The following NKAIN2 variants were observed in gnomAD, a reference collection of about 807,000 sequenced individuals.
The protein encoded by NKAIN2 is sodium/potassium-transporting ATPase subunit beta-1-interacting protein 2.
NKAIN2 carries 14 observed loss-of-function variants against 32.6 expected under a neutral mutation model. The ratio of observed to expected loss-of-function variants is 0.43; its 90% CI spans 0.28 to 0.67. The LOEUF (loss-of-function observed/expected upper bound fraction) is 0.67. Among genes scored for constraint, NKAIN2 ranks in the 30% least tolerant of loss-of-function variants. The pLI is 0.17. For missense variants in NKAIN2, 198 were observed against 258.3 expected (o/e 0.77, Z 1.60); for synonymous variants, 80 against 87.2 (o/e 0.92, Z 0.46).
intron 4 of NKAIN2, among the ~76,000 whole-genome samples, chr6:124,695,848 AAGT>A (rs1317376138): frequency 6.6e-6 from 1 of 152,220 alleles, no homozygotes; most frequent in Non-Finnish European, 1.5e-5. Context: ...ACACTCCTCT[AAGT>A]AAAGACTGGT....
At chr6:124,458,910 G>A (rs894156752) in intron 3 of NKAIN2, among the ~76,000 whole-genome samples, 3 of 151,716 alleles carry the variant, frequency 2.0e-5, no homozygotes, top group Admixed American at 6.6e-5. Flanking sequence ...GCTTCCTGCC[G>A]TATTTCCCAC....
intron 1 of NKAIN2, among the ~76,000 whole-genome samples, chr6:123,815,869 T>C (rs926714387): frequency 6.6e-6 from 1 of 151,800 alleles, no homozygotes; most frequent in African/African-American, 2.4e-5. Flanking sequence ...AACCCAGGAG[T>C]AGAGTTGGGG....
chr6:123,948,239 G>A (rs947453200), intron 1 of NKAIN2, among the ~76,000 whole-genome samples: 4 of 151,968 alleles, frequency 2.6e-5, no homozygotes, highest in Non-Finnish European at 5.9e-5. Flanking sequence ...TGGGAGTGCA[G>A]GTATCCATTT....
intron 3 of NKAIN2, among the ~76,000 whole-genome samples, chr6:124,379,189 AG>A (rs1800140312): frequency 1.0e-3 from 3 of 2,976 alleles, no homozygotes; most frequent in Non-Finnish European, 1.4e-3. Flanking sequence ...AGAGGAGGGG[AG>A]GGAGGGAAAG....
chr6:124,701,554 G>T (rs1774792850), intron 4 of NKAIN2, among the ~76,000 whole-genome samples: 1 of 152,126 alleles, frequency 6.6e-6, no homozygotes, highest in Non-Finnish European at 1.5e-5. Context: ...AAGCAGAGAA[G>T]TAAGTGATAA....
chr6:124,772,888 T>G (rs1778824633), intron 4 of NKAIN2, among the ~76,000 whole-genome samples: 2 of 152,116 alleles, frequency 1.3e-5, no homozygotes, highest in African/African-American at 4.8e-5. Context: ...GGGTAATGGG[T>G]ACACTAAAAG....
At position 124,383,900 on chromosome 6, in the gene NKAIN2, A is replaced by T. The variant is rs1197341200; in HGVS notation, c.273+28553A>T. The stretch of plus-strand genomic sequence containing the variant: ...ATCTTGGCTCTTCCTGAATGATCTT[A>T]CATTTCTCTGTTTCTCTGACTCTCA... On this transcript the variant is annotated intron_variant, in intron 3 of 6. Coordinates refer to ENST00000368417, the MANE Select transcript of NKAIN2 (RefSeq NM_001040214.3). 3.3e-5 allele frequency among the ~76,000 whole-genome samples: 5 copies of T among 152,172 alleles called. No individual in the cohort carries two copies. The East Asian group carries it at 9.6e-4, about 29-fold the overall frequency.
chr6:124,549,447 TAC>T (rs1780209973), intron 3 of NKAIN2, among the ~76,000 whole-genome samples: 1 of 152,212 alleles, frequency 6.6e-6, no homozygotes, highest in Non-Finnish European at 1.5e-5. Flanking sequence ...ACAGAAATAG[TAC>T]AGAGTTCCCA....
intron 1 of NKAIN2, among the ~76,000 whole-genome samples, chr6:124,215,744 C>A (rs781689766): frequency 8.5e-5 from 13 of 152,070 alleles, no homozygotes; most frequent in Non-Finnish European, 1.8e-4. Flanking sequence ...TCTTAGGAAT[C>A]CATCAGAGGA....
intron 1 of NKAIN2, among the ~76,000 whole-genome samples, chr6:123,836,247 A>C (rs1774613564): frequency 6.6e-6 from 1 of 152,048 alleles, no homozygotes; most frequent in Admixed American, 6.6e-5. Context: ...AGTAGGCTGG[A>C]CAAAGTGACT....
At chr6:124,742,372 C>T (rs1306041269) in intron 4 of NKAIN2, among the ~76,000 whole-genome samples, 2 of 151,722 alleles carry the variant, frequency 1.3e-5, no homozygotes, top group Non-Finnish European at 2.9e-5. Flanking sequence ...GAGGCCAAGA[C>T]TTCATCTTCT....
chr6:124,403,086 T>C (rs867107998), intron 3 of NKAIN2, among the ~76,000 whole-genome samples: 47 of 152,350 alleles, frequency 3.1e-4, no homozygotes, highest in African/African-American at 1.1e-3. Flanking sequence ...GTTGATTCAT[T>C]TGTTAGAATA....
At chr6:124,556,080 G>T (rs1421589832) in intron 3 of NKAIN2, among the ~76,000 whole-genome samples, 3 of 55,618 alleles carry the variant, frequency 5.4e-5, no homozygotes, top group African/African-American at 1.4e-4. Context: ...TATAGAGTTT[G>T]CTATGCAAAA....
chr6:123,840,356 G>C (rs1314368936), intron 1 of NKAIN2, among the ~76,000 whole-genome samples: 1 of 151,778 alleles, frequency 6.6e-6, no homozygotes, highest in Non-Finnish European at 1.5e-5. Flanking sequence ...TACAACCATA[G>C]GGAAAAAATG....
chr6:124,638,632 A>C (rs562014991), intron 3 of NKAIN2, among the ~76,000 whole-genome samples: 1 of 152,304 alleles, frequency 6.6e-6, no homozygotes, highest in East Asian at 1.9e-4. Context: ...GCGGTGGCTC[A>C]CGCCTGTAAT....
chr6:124,798,031 T>A (rs188720273), intron 5 of NKAIN2, among the ~76,000 whole-genome samples: 1 of 152,092 alleles, frequency 6.6e-6, no homozygotes, highest in East Asian at 1.9e-4. Context: ...CTTCCTCCCC[T>A]CTTCTTTTCT....
At chr6:124,436,138 C>T (rs548350420) in intron 3 of NKAIN2, among the ~76,000 whole-genome samples, 1 of 152,090 alleles carries the variant, frequency 6.6e-6, no homozygotes, top group African/African-American at 2.4e-5. Flanking sequence ...GCCTTAAAGG[C>T]TTCTATTTGG....
chr6:123,854,736 C>CAAGCTTCACCA (rs1306410905), intron 1 of NKAIN2, among the ~76,000 whole-genome samples: 2 of 152,112 alleles, frequency 1.3e-5, no homozygotes, highest in African/African-American at 4.8e-5. Flanking sequence ...AAGGCCCAAG[C>CAAGCTTCACCA]AGGAAGGTGA....
At chr6:124,640,220 C>G (rs1189571438) in intron 3 of NKAIN2, among the ~76,000 whole-genome samples, 3 of 152,036 alleles carry the variant, frequency 2.0e-5, no homozygotes, top group East Asian at 3.9e-4. Context: ...TATTCAGGGA[C>G]AATAGTGACT....
Sources: allele counts gnomAD v4.1 joint callset (sites outside exome capture counted in the v4.1 genomes callset), GRCh38; gene constraint gnomAD v4.1.1; transcripts MANE v1.5; gene names NCBI Gene and HGNC (gene_info 2026-07-23, HGNC 2026-07-21).